Variants in ZNF398 observed in about 807,000 individuals in gnomAD.
The protein encoded by ZNF398 is zinc finger DNA binding protein ZER6.
In ZNF398, 18 loss-of-function variants were observed where a neutral mutation model predicts 41.9. The observed-to-expected ratio is 0.43, with a 90% confidence interval of 0.30 to 0.64. The LOEUF is 0.64. Among genes scored for constraint, ZNF398 ranks in the 30% least tolerant of loss-of-function variants. The pLI, the probability that ZNF398 is intolerant of heterozygous loss-of-function variation, is 0.14. For synonymous variants in ZNF398, 260 were observed against 308.8 expected (o/e 0.84, Z 1.66); for missense variants, 669 against 822.8 (o/e 0.81, Z 2.29).
intron 2 of ZNF398, among the ~76,000 whole-genome samples, chr7:149,136,181 A>T (rs1362869134): frequency 2.0e-5 from 3 of 152,078 alleles, no homozygotes; most frequent in Non-Finnish European, 4.4e-5. Context: ...AAAGCTTTTA[A>T]TTTAAAAGTA....
upstream of ZNF398, chr7:149,147,135 C>A (rs1250442508): frequency 6.6e-6 from 1 of 152,262 alleles, no homozygotes; most frequent in African/African-American, 2.4e-5. This position sits in a 1 kb window ranked among gnomAD's most constrained non-coding sequence, Gnocchi z 5.6. Flanking sequence ...AATACGGCTG[C>A]CCTTCAGCAG....
intron 4 of ZNF398, among the ~76,000 whole-genome samples, chr7:149,176,005 G>A (rs1795453483): frequency 6.6e-6 from 1 of 152,012 alleles, no homozygotes. Context: ...TTTTTAAAAG[G>A]CTGGTTCTGT....
intron 2 of ZNF398, among the ~76,000 whole-genome samples, chr7:149,139,860 C>A (rs559751830): frequency 6.6e-6 from 1 of 151,998 alleles, no homozygotes; most frequent in South Asian, 2.1e-4. Flanking sequence ...AAAAAATTAG[C>A]CGGGCGTGGT....
chr7:149,147,580 G>A lies in ZNF398; in HGVS notation c.-163G>A. On this transcript the variant is annotated 5_prime_UTR_variant, in exon 1 of 6. Transcript: ENST00000475153. This position sits in a 1 kb window ranked among gnomAD's most constrained non-coding sequence, Gnocchi z 5.6. ...CCTCCGCCGCGTTCCTGCGCGTCCCGAGCCCCGACGGCCGCGTGAGTCCCG... is the reference window on the plus strand; with the variant it reads ...CCTCCGCCGCGTTCCTGCGCGTCCCAAGCCCCGACGGCCGCGTGAGTCCCG... 6.5e-6 allele frequency: 5 copies of A among 773,140 alleles called. No individual in the cohort carries two copies. Among genetic ancestry groups the A allele is most frequent in the Non-Finnish European group, 8.6e-6 (5 of 583,706 alleles). The allele number at this position is 773,140 out of a possible 1,614,324, so 47.9% of individuals were successfully genotyped here. A position where few individuals can be genotyped will look rare whatever the true frequency, so the allele number is the denominator to read the frequency against.
In ZNF398 at chr7:149,181,469, A is replaced by G. The variant is rs1343183225; in HGVS notation, c.*1668A>G. ...CAAGGTCTGGAAATGTTTAGACAGG[A>G]TATTTTCTTGATGAAGTGATAAGGA... On this transcript the variant is annotated 3_prime_UTR_variant, in exon 6 of 6. Transcript: ENST00000475153. 2.0e-5 allele frequency: 3 copies of G among 152,164 alleles called. No homozygotes were observed. Among genetic ancestry groups the G allele is most frequent in the African/African-American group, 7.2e-5 (3 of 41,438 alleles). 9.4% of individuals were successfully genotyped at this position (152,164 alleles called of 1,614,324 possible). A position where few individuals can be genotyped will look rare whatever the true frequency, so the allele number is the denominator to read the frequency against.
chr7:149,143,699 CT>C (rs1409599752), upstream of ZNF398, among the ~76,000 whole-genome samples: 10 of 152,118 alleles, frequency 6.6e-5, no homozygotes, highest in Admixed American at 1.3e-4. Context: ...GTAATCCCAG[CT>C]ACTTGGGAGG....
At chr7:149,139,371 G>T (rs1229851132) in intron 2 of ZNF398, among the ~76,000 whole-genome samples, 1 of 152,060 alleles carries the variant, frequency 6.6e-6, no homozygotes, top group East Asian at 1.9e-4. Context: ...TTGTTACTGT[G>T]TGAATACCTA....
chr7:149,160,744 A>G (rs1166057641), intron 2 of ZNF398, among the ~76,000 whole-genome samples: 1 of 152,204 alleles, frequency 6.6e-6, no homozygotes, highest in Non-Finnish European at 1.5e-5. Flanking sequence ...AACTCTGAGT[A>G]ACTCTGAGTC....
chr7:149,177,210 T>C (rs767852899), intron 5 of ZNF398, among the ~76,000 whole-genome samples: 1 of 152,138 alleles, frequency 6.6e-6, no homozygotes, highest in African/African-American at 2.4e-5. Flanking sequence ...AAAAAACTTA[T>C]GCTAGGGACA....
rs1203498484 is a variant in ZNF398 at position 149,147,550 on chromosome 7, C to G, written c.-193C>G. On this transcript the variant is annotated 5_prime_UTR_variant, in exon 1 of 6. Coordinates refer to ENST00000475153, the MANE Select transcript of ZNF398 (RefSeq NM_170686.3). The surrounding 1 kb of genome is among the most constrained non-coding windows in gnomAD (Gnocchi z 5.6). ...CCAGCTTGATCCGCCGCCTGCTGCA[C>G]CGCGCCTCCGCCGCGTTCCTGCGCG... 3 of 468,220 alleles carry G rather than the reference C, an allele frequency of 6.4e-6. No homozygotes were observed. Among genetic ancestry groups the G allele is most frequent in the Admixed American group, 4.9e-5 (1 of 20,584 alleles). The allele number at this position is 468,220 out of a possible 1,614,324, so 29.0% of individuals were successfully genotyped here.
intron 4 of ZNF398, among the ~76,000 whole-genome samples, chr7:149,175,212 G>C (rs1382152507): frequency 6.6e-6 from 1 of 152,106 alleles, no homozygotes; most frequent in South Asian, 2.1e-4. Context: ...AGTCAGTTCT[G>C]TTAATTTGCT....
intron 1 of ZNF398, among the ~76,000 whole-genome samples, chr7:149,148,925 G>T (rs1230437740): frequency 2.5e-5 from 2 of 79,744 alleles, no homozygotes; most frequent in Non-Finnish European, 4.5e-5. Flanking sequence ...TATTTTATGT[G>T]TGACCCAAGA....
At chr7:149,162,984 T>C (rs1473097300) in intron 2 of ZNF398, among the ~76,000 whole-genome samples, 1 of 151,874 alleles carries the variant, frequency 6.6e-6, no homozygotes, top group Non-Finnish European at 1.5e-5. Context: ...TCAAAAAATA[T>C]ATATATATTC....
At chr7:149,144,956 A>T (rs1165355666), upstream of ZNF398, among the ~76,000 whole-genome samples, 1 of 152,164 alleles carries the variant, frequency 6.6e-6, no homozygotes, top group Non-Finnish European at 1.5e-5. Flanking sequence ...AATTCAGATT[A>T]TTATTTTTTT....
chr7:149,178,964 T>C lies in ZNF398; in HGVS notation c.1092T>C (p.His364=). ...QDMLLTHQCS[H]ATEHPLPCAQ... ...TGTTGCTGACCCACCAATGTAGCCA[T>C]GCTACTGAGCACCCCTTACCCTGTG... Residue 364 remains histidine (H), a synonymous_variant, in exon 6 of 6, where the codon CAT becomes CAC. Coordinates refer to ENST00000475153, the MANE Select transcript of ZNF398 (RefSeq NM_170686.3). 6.2e-7 allele frequency: 1 copy of C among 1,614,170 alleles called. No individual in the cohort carries two copies. Among genetic ancestry groups the C allele is most frequent in the Non-Finnish European group, 8.5e-7 (1 of 1,180,030 alleles).
intron 2 of ZNF398, among the ~76,000 whole-genome samples, chr7:149,140,172 T>C (rs1170039556): frequency 6.6e-6 from 1 of 152,166 alleles, no homozygotes; most frequent in Non-Finnish European, 1.5e-5. Flanking sequence ...TGTTATTTTA[T>C]GTAATAAACA....
chr7:149,160,559 T>C (rs1242719660), intron 2 of ZNF398, among the ~76,000 whole-genome samples: 2 of 152,234 alleles, frequency 1.3e-5, no homozygotes, highest in Non-Finnish European at 2.9e-5. Flanking sequence ...TCACATCTCT[T>C]TTTGAGTCAT....
At chr7:149,152,223 A>T (rs563566851) in intron 1 of ZNF398, among the ~76,000 whole-genome samples, 13 of 151,602 alleles carry the variant, frequency 8.6e-5, no homozygotes, top group East Asian at 3.9e-4. Flanking sequence ...CAAGAAATAA[A>T]TAATTAATTA....
rs1795534282 is a variant in ZNF398, at chr7:149,179,106, A to G, written c.1234A>G (p.Arg412Gly). The change falls in exon 6 of 6, where the codon AGA becomes GGA. Residue 412 changes from arginine to glycine, a missense_variant. Around this residue, in one of 3 missense-constraint regions of ZNF398, gnomAD observed 290 missense variants for 292.9 expected, o/e 0.99. Coordinates refer to ENST00000475153, the MANE Select transcript of ZNF398 (RefSeq NM_170686.3). The surrounding 1 kb of genome is among the most constrained non-coding windows in gnomAD (Gnocchi z 6.1). ...TGCCAGGACTTTTACTCACCCATCA[A>G]GACTTACCTACCATCTTCGGGTCCA... is the stretch of plus-strand genomic sequence containing the variant. ...HCARTFTHPSRLTYHLRVHNS... is the reference protein window; with the variant it reads ...HCARTFTHPSGLTYHLRVHNS... The G allele has an allele frequency of 1.9e-6, 3 of 1,613,782 alleles. No individual in the cohort carries two copies. Among genetic ancestry groups the G allele is most frequent in the Non-Finnish European group, 1.7e-6 (2 of 1,179,982 alleles).
Sources: allele counts gnomAD v4.1 joint callset (sites outside exome capture counted in the v4.1 genomes callset), GRCh38; gene constraint gnomAD v4.1.1; regional missense constraint gnomAD v4.1.1; non-coding constraint Gnocchi (gnomAD v3.1); transcripts MANE v1.5; gene names NCBI Gene and HGNC (gene_info 2026-07-23, HGNC 2026-07-21).